PCSK5: variants seen among roughly 807,000 people sequenced by gnomAD.
PCSK5 encodes prohormone convertase 5.
In PCSK5, 129 loss-of-function variants were observed where a neutral mutation model predicts 233.2. The ratio of observed to expected loss-of-function variants is 0.55; its 90% confidence interval spans 0.48 to 0.64. PCSK5 has a LOEUF of 0.64. Ranked by LOEUF, PCSK5 falls within the 30% of genes least tolerant of loss-of-function variation. The probability of loss-of-function intolerance (pLI) is 0.00; values close to 1 mark genes in which losing one functional copy is unlikely to be tolerated. For missense variants in PCSK5, 2,076 were observed against 2,430.1 expected, an observed-to-expected ratio of 0.85 and a Z score of 3.06; for synonymous variants, 825 against 879.2, an observed-to-expected ratio of 0.94 and a Z score of 1.09.
At chr9:76,351,935 C>T (rs1330186395) in intron 36 of PCSK5, among the ~76,000 whole-genome samples, 4 of 152,000 alleles carry the variant, frequency 2.6e-5, no homozygotes, top group African/African-American at 9.7e-5. Flanking sequence ...GGGGTTCCCT[C>T]GCTATTGTCA....
chr9:76,276,496 C>T (rs571994718), intron 24 of PCSK5, among the ~76,000 whole-genome samples: 1 of 152,286 alleles, frequency 6.6e-6, no homozygotes, highest in South Asian at 2.1e-4. Flanking sequence ...CCTGGCATCA[C>T]CTCCTGACTC....
intron 2 of PCSK5, among the ~76,000 whole-genome samples, chr9:75,958,201 C>A (rs1020624057): frequency 6.6e-6 from 1 of 152,166 alleles, no homozygotes; most frequent in Admixed American, 6.6e-5. Flanking sequence ...GATTTAAGGT[C>A]TAAGTTGGGG....
intron 8 of PCSK5, among the ~76,000 whole-genome samples, chr9:76,106,823 G>C (rs184447058): frequency 6.6e-6 from 1 of 152,198 alleles, no homozygotes; most frequent in African/African-American, 2.4e-5. Context: ...CTTTTATTCT[G>C]TATGTTGCCA....
At chr9:76,281,706 T>C (rs11507271) in intron 24 of PCSK5, among the ~76,000 whole-genome samples, 19,924 of 152,126 alleles carry the variant, frequency 0.13, 1,786 homozygotes, top group African/African-American at 0.26. Flanking sequence ...TGGAGTACAG[T>C]GGCACACTCT....
chr9:75,995,679 C>G (rs571473097), intron 3 of PCSK5, among the ~76,000 whole-genome samples: 7 of 150,998 alleles, frequency 4.6e-5, no homozygotes, highest in African/African-American at 1.7e-4. Flanking sequence ...GGTCTGTGGG[C>G]TAGATGGAGG....
At chr9:76,233,864 C>T (rs376942798) in intron 22 of PCSK5, among the ~76,000 whole-genome samples, 39 of 151,866 alleles carry the variant, frequency 2.6e-4, no homozygotes, top group African/African-American at 9.2e-4. Context: ...GAGAGAAGGA[C>T]GTAGAAGCAT....
chr9:76,159,035 T>G lies in PCSK5; in HGVS notation c.1483T>G (p.Ser495Ala), dbSNP rs749171732. 1.2e-6 allele frequency: 2 copies of G among 1,614,134 alleles called. No homozygotes were observed. Among genetic ancestry groups the G allele is most frequent in the Non-Finnish European group, 8.5e-7 (1 of 1,180,006 alleles). The change falls in exon 12 of 38, where the codon TCG becomes GCG. Residue 495 changes from serine (S) to alanine (A), a missense_variant. By Grantham distance (99) the Ser-to-Ala change is moderately conservative (BLOSUM62 1). Coordinates refer to ENST00000674117, the MANE Select transcript of PCSK5 (RefSeq NM_001372043.1). Reference sequence around the variant, plus strand: ...CTCCATCTACAAAGCTTCAGGCTGCTCGGATAACCCCAACCGCCATGTCAA... The same window carrying G: ...CTCCATCTACAAAGCTTCAGGCTGCGCGGATAACCCCAACCGCCATGTCAA... ...VRSIYKASGC[S>A]DNPNRHVNYL...
intron 20 of PCSK5, among the ~76,000 whole-genome samples, chr9:76,202,140 G>A (rs1009412992): frequency 6.6e-6 from 1 of 152,152 alleles, no homozygotes; most frequent in Non-Finnish European, 1.5e-5. Flanking sequence ...GCAGAAACCG[G>A]AAGTCATCTT....
intron 35 of PCSK5, among the ~76,000 whole-genome samples, chr9:76,349,172 G>A (rs919176455): frequency 2.6e-5 from 4 of 151,208 alleles, no homozygotes; most frequent in Non-Finnish European, 5.9e-5. Context: ...TACTCAGGAG[G>A]CTAAGGCAGG....
chr9:76,194,586 A>G, intron 20 of PCSK5: 1 of 317,998 alleles, frequency 3.1e-6, no homozygotes, highest in Non-Finnish European at 6.2e-6. Flanking sequence ...GAATGCTGAG[A>G]TGATCTGTTT....
chr9:76,024,983 C>T (rs1014531688), intron 4 of PCSK5, among the ~76,000 whole-genome samples: 1 of 152,106 alleles, frequency 6.6e-6, no homozygotes, highest in African/African-American at 2.4e-5. Context: ...CCTCTTTTTC[C>T]TTATCAGTAA....
At chr9:75,926,175 A>G (rs774606703) in intron 1 of PCSK5, among the ~76,000 whole-genome samples, 34 of 150,174 alleles carry the variant, frequency 2.3e-4, no homozygotes, top group Non-Finnish European at 3.5e-4. Context: ...AAGTCACTCT[A>G]TGGATTGCAA....
At chr9:76,093,080 CTTTTTTTTT>C (rs71372045) in intron 7 of PCSK5, among the ~76,000 whole-genome samples, 3 of 85,680 alleles carry the variant, frequency 3.5e-5, no homozygotes, top group African/African-American at 8.4e-5. Flanking sequence ...TTGTCTTTCC[CTTTTTTTTT>C]TTTTTTTTTT....
chr9:76,219,410 A>G (rs1392734580), intron 20 of PCSK5, among the ~76,000 whole-genome samples: 3 of 152,168 alleles, frequency 2.0e-5, no homozygotes, highest in African/African-American at 7.2e-5. Flanking sequence ...GGTTGCTAAA[A>G]AAACGAAAGA....
intron 3 of PCSK5, among the ~76,000 whole-genome samples, chr9:76,005,912 C>T (rs978557587): frequency 1.3e-5 from 2 of 152,078 alleles, no homozygotes; most frequent in African/African-American, 2.4e-5. Flanking sequence ...GTGGCACAAT[C>T]GTAGCTCACT....
chr9:75,920,629 A>G (rs111713286), intron 1 of PCSK5, among the ~76,000 whole-genome samples: 3,923 of 151,844 alleles, frequency 0.026, 173 homozygotes, highest in African/African-American at 0.089. Context: ...ACATGACAAA[A>G]CCCTGTCTCT....
At chr9:76,220,483 C>T (rs188019193) in intron 20 of PCSK5, among the ~76,000 whole-genome samples, 21 of 148,472 alleles carry the variant, frequency 1.4e-4, no homozygotes, top group African/African-American at 2.2e-4. Flanking sequence ...GCTGAAAATG[C>T]GCCACAGCAC....
chr9:75,920,393 A>T (rs1823200232), intron 1 of PCSK5, among the ~76,000 whole-genome samples: 6 of 152,060 alleles, frequency 3.9e-5, no homozygotes, highest in Admixed American at 3.9e-4. Flanking sequence ...GGCTCAAGCG[A>T]TCCTCCTGCC....
intron 20 of PCSK5, among the ~76,000 whole-genome samples, chr9:76,218,526 C>T (rs1202298690): frequency 6.6e-6 from 1 of 150,762 alleles, no homozygotes; most frequent in Non-Finnish European, 1.5e-5. Context: ...GGAGCTGAGA[C>T]CCCTAACTAC....
Sources: gnomAD v4.1 joint callset for allele counts (sites outside exome capture counted in the v4.1 genomes callset) on GRCh38, gnomAD v4.1.1 for gene constraint, MANE v1.5 for transcripts, NCBI Gene and HGNC (gene_info 2026-07-23, HGNC 2026-07-21) for gene names.